The following FOXN3 variants were observed in gnomAD, a reference collection of about 807,000 sequenced individuals.
FOXN3 encodes forkhead box protein N3.
Under a neutral mutation model 38.4 loss-of-function variants are expected in FOXN3, and 7 were observed. That is an observed-to-expected ratio of 0.18 (90% CI 0.10 to 0.34). The LOEUF (loss-of-function observed/expected upper bound fraction) is 0.34, where lower values mean the gene tolerates loss of function less well. Among genes scored for constraint, FOXN3 ranks in the 10% least tolerant of loss-of-function variants. The pLI, the probability that FOXN3 is intolerant of heterozygous loss-of-function variation, is 1.00. For missense variants in FOXN3, 456 were observed against 613.4 expected (o/e 0.74, Z 2.71); for synonymous variants, 230 against 242.2 (o/e 0.95, Z 0.47).
At chr14:89,585,642 A>C (rs1402580897) in intron 1 of FOXN3, among the ~76,000 whole-genome samples, 1 of 152,150 alleles carries the variant, frequency 6.6e-6, no homozygotes, top group East Asian at 1.9e-4. Context: ...AAGGAGATGG[A>C]TAATAATAAA....
At chr14:89,503,945 C>T (rs1893855742) in intron 1 of FOXN3, among the ~76,000 whole-genome samples, 2 of 152,158 alleles carry the variant, frequency 1.3e-5, no homozygotes, top group African/African-American at 4.8e-5. Context: ...CGGATTTGCC[C>T]CTTACTTCTA....
At chr14:89,490,683 G>T (rs764640303) in intron 1 of FOXN3, among the ~76,000 whole-genome samples, 8 of 152,216 alleles carry the variant, frequency 5.3e-5, no homozygotes, top group Non-Finnish European at 7.3e-5. Context: ...ATGACAAACA[G>T]CAGGAAGTTT....
intron 1 of FOXN3, among the ~76,000 whole-genome samples, chr14:89,498,443 G>A (rs998719709): frequency 1.3e-5 from 2 of 151,638 alleles, no homozygotes; most frequent in African/African-American, 4.8e-5. Context: ...GGATGGTCTC[G>A]ATCCCCTAAC....
intron 1 of FOXN3, among the ~76,000 whole-genome samples, chr14:89,455,112 C>T (rs1474748850): frequency 2.0e-5 from 3 of 152,192 alleles, no homozygotes; most frequent in Admixed American, 2.0e-4. Flanking sequence ...AGGCTTTCTT[C>T]CCGCATTCCA....
intron 1 of FOXN3, among the ~76,000 whole-genome samples, chr14:89,511,149 CTTT>C (rs1894053651): frequency 3.0e-4 from 5 of 16,710 alleles, no homozygotes; most frequent in Non-Finnish European, 1.7e-3. Flanking sequence ...TCTTTTCTTT[CTTT>C]CTTTCTTTCT....
At chr14:89,436,671 C>T (rs1251959021) in intron 1 of FOXN3, among the ~76,000 whole-genome samples, 1 of 152,200 alleles carries the variant, frequency 6.6e-6, no homozygotes, top group Non-Finnish European at 1.5e-5. Flanking sequence ...ATCAAAACAT[C>T]CAACAGATAC....
At chr14:89,422,634 G>A (rs888992906) in intron 1 of FOXN3, among the ~76,000 whole-genome samples, 76 of 152,262 alleles carry the variant, frequency 5.0e-4, no homozygotes, top group African/African-American at 1.5e-3. Context: ...GGCGCCCCTC[G>A]GCTGGAAGAC....
At chr14:89,590,623 C>A (rs955582534) in intron 1 of FOXN3, among the ~76,000 whole-genome samples, 1 of 152,172 alleles carries the variant, frequency 6.6e-6, no homozygotes, top group Non-Finnish European at 1.5e-5. Flanking sequence ...AGCAAAGTCC[C>A]TCTCTGACTT....
chr14:89,205,384 G>A (rs1288535583), intron 4 of FOXN3, among the ~76,000 whole-genome samples: 2 of 152,140 alleles, frequency 1.3e-5, no homozygotes, highest in Non-Finnish European at 2.9e-5. Context: ...CTCCACCCTT[G>A]GGCCTGTGCC....
At chr14:89,263,535 G>C (rs1030245603) in intron 4 of FOXN3, 1 of 152,066 alleles carries the variant, frequency 6.6e-6, no homozygotes, top group Admixed American at 6.6e-5. Context: ...TTTGTGTTTC[G>C]CTCAGCTCTA....
At chr14:89,195,503 G>A (rs1222303553) in intron 4 of FOXN3, among the ~76,000 whole-genome samples, 2 of 152,208 alleles carry the variant, frequency 1.3e-5, no homozygotes, top group African/African-American at 2.4e-5. Context: ...TTTGTGGCTG[G>A]AAGCATTTCA....
intron 2 of FOXN3, among the ~76,000 whole-genome samples, chr14:89,409,884 C>A (rs1438999937): frequency 6.6e-6 from 1 of 152,140 alleles, no homozygotes; most frequent in African/African-American, 2.4e-5. Flanking sequence ...GGAGAAAGAG[C>A]TTCATGGTCA....
intron 2 of FOXN3, among the ~76,000 whole-genome samples, chr14:89,401,193 G>A (rs149731832): frequency 0.017 from 2,570 of 152,272 alleles, 73 homozygotes; most frequent in African/African-American, 0.057. Context: ...TGTAATCCCA[G>A]CACTTTGGGA....
At chr14:89,390,622 G>A (rs1890919338) in intron 2 of FOXN3, among the ~76,000 whole-genome samples, 1 of 151,932 alleles carries the variant, frequency 6.6e-6, no homozygotes, top group Non-Finnish European at 1.5e-5. Flanking sequence ...TATTCTAGGG[G>A]GGAAAGCCTA....
chr14:89,288,290 A>G (rs1053348581), intron 3 of FOXN3, among the ~76,000 whole-genome samples: 5 of 152,130 alleles, frequency 3.3e-5, no homozygotes, highest in African/African-American at 4.8e-5. Context: ...CAATGCACCA[A>G]TCAAGATAAG....
chr14:89,212,669 G>T (rs1451885251), intron 4 of FOXN3, among the ~76,000 whole-genome samples: 1 of 152,076 alleles, frequency 6.6e-6, no homozygotes, highest in Non-Finnish European at 1.5e-5. Context: ...CCCCTCCTTT[G>T]GCCCTTCCAA....
rs555798804 is a variant in FOXN3 at position 89,274,602 on chromosome 14, C to G, written c.745+6348G>C. Among the ~76,000 whole-genome samples the G allele has an allele frequency of 1.2e-4, 18 of 152,286 alleles. No homozygotes were observed. In the South Asian group the frequency reaches 3.1e-3, roughly 26 times the overall value. ...AAACCTGAGGCACAAGGTCAGAGAG[C>G]TGGTGCCCAGAGAGGGAGGGATTCA... On this transcript the variant is annotated intron_variant, in intron 4 of 5. Transcript: ENST00000557258.
intron 2 of FOXN3, among the ~76,000 whole-genome samples, chr14:89,362,290 T>A (rs866544445): frequency 7.6e-4 from 2 of 2,616 alleles, no homozygotes; most frequent in African/African-American, 9.0e-4. Context: ...CACCACCACC[T>A]CCACCACCAC....
rs566601059 is a variant in FOXN3 at position 89,481,953 on chromosome 14, T to C, written c.-14-69463A>G. ...AAACTGGCGTATGCTAGGACAGTCCTAGGCATACTGGGACTTGTGTGACCC... is the reference window on the plus strand; with the variant it reads ...AAACTGGCGTATGCTAGGACAGTCCCAGGCATACTGGGACTTGTGTGACCC... On this transcript the variant is annotated intron_variant, in intron 1 of 6. Transcript: ENST00000345097. 7.2e-5 allele frequency among the ~76,000 whole-genome samples: 11 copies of C among 152,322 alleles called. No individual in the cohort carries two copies. In the South Asian group the frequency reaches 2.3e-3, roughly 32 times the overall value.
Sources: allele counts gnomAD v4.1 joint callset (sites outside exome capture counted in the v4.1 genomes callset), GRCh38; gene constraint gnomAD v4.1.1; transcripts MANE v1.5; gene names NCBI Gene and HGNC (gene_info 2026-07-23, HGNC 2026-07-21).